The following SKA2 variants were observed in gnomAD, a reference collection of about 807,000 sequenced individuals.
SKA2 encodes spindle and kinetochore-associated protein 2.
Under a neutral mutation model 16.9 loss-of-function variants are expected in SKA2, and 13 were observed. That is an observed-to-expected ratio of 0.77 (90% CI 0.50 to 1.22). The LOEUF (loss-of-function observed/expected upper bound fraction) is 1.22, where lower values mean the gene tolerates loss of function less well. SKA2 is among the 50% of genes most tolerant of loss of function. The pLI is 0.00. For synonymous variants in SKA2, 47 were observed against 48.5 expected (o/e 0.97, Z 0.13); for missense variants, 107 against 139.7 (o/e 0.77, Z 1.18).
In SKA2 at chr17:59,111,686, A is replaced by AT; in HGVS notation, c.*590_*591insA. 6.6e-6 allele frequency: 1 copy of AT among 152,454 alleles called. No homozygotes were observed. The highest frequency in any genetic ancestry group is 1.9e-4 in the East Asian group (1 of 5,192). The allele number at this position is 152,454 out of a possible 1,614,324, so 9.4% of individuals were successfully genotyped here. On this transcript the variant is annotated 3_prime_UTR_variant, in exon 4 of 4. Coordinates refer to ENST00000330137, the MANE Select transcript of SKA2 (RefSeq NM_182620.4). ...TTCATGCTGTTCAACATTAGCAGGC[A>AT]AGGGAAATAGGGAAAGAAATACGCA... is the stretch of plus-strand genomic sequence containing the variant.
At chr17:59,141,055 C>T (rs1268072156) in intron 1 of SKA2, among the ~76,000 whole-genome samples, 2 of 152,014 alleles carry the variant, frequency 1.3e-5, no homozygotes, top group Non-Finnish European at 2.9e-5. Flanking sequence ...CCTCTGCCTC[C>T]CAAACTGCTA....
At chr17:59,119,068 G>A (rs2046315105) in intron 3 of SKA2, among the ~76,000 whole-genome samples, 1 of 152,132 alleles carries the variant, frequency 6.6e-6, no homozygotes, top group Admixed American at 6.6e-5. Flanking sequence ...GATTTTATAA[G>A]TATTACCAAG....
At chr17:59,113,921 C>A (rs962893737) in intron 3 of SKA2, among the ~76,000 whole-genome samples, 12 of 151,998 alleles carry the variant, frequency 7.9e-5, no homozygotes, top group Non-Finnish European at 1.5e-4. Flanking sequence ...AGCAACTGAA[C>A]AATGTAAGGA....
At chr17:59,154,225 G>A (rs2046602395) in intron 1 of SKA2, among the ~76,000 whole-genome samples, 1 of 151,216 alleles carries the variant, frequency 6.6e-6, no homozygotes, top group Non-Finnish European at 1.5e-5. Flanking sequence ...TGAACGAAAA[G>A]GGCTGAAGAC....
intron 3 of SKA2, among the ~76,000 whole-genome samples, chr17:59,117,395 T>C (rs1023589272): frequency 3.3e-5 from 5 of 152,082 alleles, no homozygotes; most frequent in Middle Eastern, 3.2e-3. Context: ...ATTTTTATTT[T>C]AGTTTATTTT....
rs2046261425 is a variant in SKA2, at chr17:59,111,127, G to C, written c.*1150C>G. On this transcript the variant is annotated 3_prime_UTR_variant, in exon 4 of 4. Transcript: ENST00000330137. The stretch of plus-strand genomic sequence containing the variant: ...ACATCCTGACACTCAAAAGTTAAGT[G>C]ATCTGCACAGGGTCATAGCTAGAAT... 1 of 152,146 alleles carries C rather than the reference G, an allele frequency of 6.6e-6. No individual in the cohort carries two copies. Among genetic ancestry groups the C allele is most frequent in the South Asian group, 2.1e-4 (1 of 4,824 alleles). 9.4% of individuals were successfully genotyped at this position (152,146 alleles called of 1,614,324 possible).
At chr17:59,131,103 T>C (rs2046408852) in intron 2 of SKA2, among the ~76,000 whole-genome samples, 178 bp downstream of exon 2, 1 of 152,194 alleles carries the variant, frequency 6.6e-6, no homozygotes, top group Admixed American at 6.5e-5. Flanking sequence ...TCACGGACTA[T>C]TGGTACTATT....
At chr17:59,137,784 A>T (rs1250844530) in intron 1 of SKA2, 2 of 530,492 alleles carry the variant, frequency 3.8e-6, no homozygotes, top group Non-Finnish European at 7.7e-6. Flanking sequence ...TCCAAACACC[A>T]AAACCCTATA....
At chr17:59,124,493 C>T (rs1363832613) in intron 2 of SKA2, 5 of 151,856 alleles carry the variant, frequency 3.3e-5, no homozygotes, top group Admixed American at 6.6e-5. Context: ...AGTCATCTTC[C>T]TCATGAGGTG....
In SKA2 at chr17:59,112,174, C is replaced by A; in HGVS notation, c.*103G>T. The A allele has an allele frequency of 1.1e-6, 1 of 886,208 alleles. No homozygotes were observed. The highest frequency in any genetic ancestry group is 1.8e-6 in the Non-Finnish European group (1 of 560,922). 54.9% of individuals were successfully genotyped at this position (886,208 alleles called of 1,614,324 possible). On this transcript the variant is annotated 3_prime_UTR_variant, in exon 4 of 4. Coordinates refer to ENST00000330137, the MANE Select transcript of SKA2 (RefSeq NM_182620.4). Reference sequence around the variant, plus strand: ...AGTCATTGAAGCCAAACCCCCTTCACCAGCCCCCAATCTCTAGACATCAAG... The same window carrying A: ...AGTCATTGAAGCCAAACCCCCTTCAACAGCCCCCAATCTCTAGACATCAAG...
chr17:59,143,073 T>G (rs2046504881), intron 1 of SKA2, among the ~76,000 whole-genome samples: 1 of 151,840 alleles, frequency 6.6e-6, no homozygotes, highest in Non-Finnish European at 1.5e-5. Context: ...CATGCCCAGC[T>G]AGGTTTATTT....
intron 3 of SKA2, among the ~76,000 whole-genome samples, chr17:59,116,850 G>GA (rs2046300059): frequency 8.6e-6 from 1 of 115,858 alleles, no homozygotes; most frequent in South Asian, 2.8e-4. Flanking sequence ...ACAGAGTCTC[G>GA]CTCTGTTGCC....
rs1419959317 is a variant in SKA2 at position 59,127,525 on chromosome 17, GT to G, written c.120+3755del. ...TATCTCAGCCTCCCAAGTAGCTGGGGTTACAGGCTCGTGCCACCACGCCCGG... is the reference window on the plus strand; with the variant it reads ...TATCTCAGCCTCCCAAGTAGCTGGGGTACAGGCTCGTGCCACCACGCCCGG... On this transcript the variant is annotated intron_variant, in intron 2 of 3. Coordinates refer to ENST00000330137, the MANE Select transcript of SKA2 (RefSeq NM_182620.4). Among the ~76,000 whole-genome samples, 3 of 152,030 alleles carry G rather than the reference GT, an allele frequency of 2.0e-5. No individual in the cohort carries two copies. In the East Asian group the frequency reaches 5.8e-4, roughly 30 times the overall value.
chr17:59,145,145 G>T (rs1738057221), intron 1 of SKA2, among the ~76,000 whole-genome samples: 1 of 152,104 alleles, frequency 6.6e-6, no homozygotes, highest in Non-Finnish European at 1.5e-5. Context: ...ATGGATGATG[G>T]TGATGGTTGC....
intron 2 of SKA2, among the ~76,000 whole-genome samples, chr17:59,130,499 G>A (rs979860773): frequency 3.3e-5 from 5 of 149,812 alleles, no homozygotes; most frequent in South Asian, 4.2e-4. Context: ...GCATTGTGGC[G>A]CACGCCTGTA....
chr17:59,130,016 G>A lies in SKA2; in HGVS notation c.120+1265C>T, dbSNP rs965603283. Among the ~76,000 whole-genome samples the A allele has an allele frequency of 3.0e-5, 4 of 134,932 alleles. No individual in the cohort carries two copies. The South Asian group carries it at 1.1e-3, about 37-fold the overall frequency. 88.5% of individuals were successfully genotyped at this position (134,932 alleles called of 152,430 possible). The stretch of plus-strand genomic sequence containing the variant: ...AGGGAAGGAAGAGAGAAAAAGAGAG[G>A]GAGGGAGGAAGAGAGAAAGAGGCGG... On this transcript the variant is annotated intron_variant, in intron 2 of 3. Coordinates refer to ENST00000330137, the MANE Select transcript of SKA2 (RefSeq NM_182620.4).
At chr17:59,115,388 T>C (rs910467730) in intron 3 of SKA2, among the ~76,000 whole-genome samples, 1 of 152,118 alleles carries the variant, frequency 6.6e-6, no homozygotes, top group Non-Finnish European at 1.5e-5. Context: ...CACATTACGT[T>C]ATGTAAATAG....
chr17:59,117,315 C>T (rs1052657171), intron 3 of SKA2, among the ~76,000 whole-genome samples: 2 of 152,086 alleles, frequency 1.3e-5, no homozygotes, highest in African/African-American at 2.4e-5. Context: ...TATTAAGCTA[C>T]CCTTTTAAAC....
At chr17:59,147,278 C>G (rs1179403712) in intron 1 of SKA2, among the ~76,000 whole-genome samples, 3 of 151,562 alleles carry the variant, frequency 2.0e-5, no homozygotes, top group Non-Finnish European at 4.4e-5. Context: ...TTCTAACAGC[C>G]CACTAGAGAA....
Sources: allele counts gnomAD v4.1 joint callset (sites outside exome capture counted in the v4.1 genomes callset), GRCh38; gene constraint gnomAD v4.1.1; transcripts MANE v1.5; gene names NCBI Gene and HGNC (gene_info 2026-07-23, HGNC 2026-07-21).